EIF4E3: variants seen among roughly 807,000 people sequenced by gnomAD.
EIF4E3 encodes the protein eukaryotic translation initiation factor 4E family member 3.
In EIF4E3, 26 loss-of-function variants were observed where a neutral mutation model predicts 31.7. The observed-to-expected ratio is 0.82, with a 90% CI of 0.60 to 1.14. The LOEUF is 1.14. EIF4E3 is among the 50% of genes most tolerant of loss of function. The probability of loss-of-function intolerance (pLI) is 0.00; values close to 1 mark genes in which losing one functional copy is unlikely to be tolerated. For synonymous variants in EIF4E3, 128 were observed against 107.7 expected, an observed-to-expected ratio of 1.19 and a Z score of -1.17; for missense variants, 304 against 270.9, an observed-to-expected ratio of 1.12 and a Z score of -0.86.
chr3:71,738,672 A>G (rs1008291028), intron 1 of EIF4E3, among the ~76,000 whole-genome samples: 2 of 152,152 alleles, frequency 1.3e-5, no homozygotes, highest in Non-Finnish European at 2.9e-5. Context: ...AAAACTTGAC[A>G]GACCTGAAAG....
Position 71,721,976 on chromosome 3 carries a change from C to T in EIF4E3, c.176+3216G>A, listed in dbSNP as rs74666906. ...GATGAAGGCGAAAGAGCAAGGGGAC[C>T]GATGAGCAGAAAGAAGGGCATGGCA... On this transcript the variant is annotated intron_variant, in intron 1 of 6. Transcript: ENST00000425534. Among the ~76,000 whole-genome samples, 439 of 150,424 alleles carry T rather than the reference C, an allele frequency of 2.9e-3. 5 individuals are homozygous for T. The highest frequency in any genetic ancestry group is 0.01 in the African/African-American group (420 of 40,508).
chr3:71,666,702 T>G, the EIF4E3 span, among the ~76,000 whole-genome samples: 1 of 152,152 alleles, frequency 6.6e-6, no homozygotes, highest in African/African-American at 2.4e-5. Flanking sequence ...TTTGGGAGGC[T>G]GAGGTGGGCG....
intron 3 of EIF4E3, 129 bp downstream of exon 3, chr3:71,699,485 G>T: frequency 1.2e-6 from 1 of 814,564 alleles, no homozygotes; most frequent in Non-Finnish European, 2.0e-6. Context: ...CAGACCCTGG[G>T]CCATGATTGG....
upstream of EIF4E3, chr3:71,753,712 C>G (rs2049963889): frequency 6.7e-6 from 1 of 149,754 alleles, no homozygotes; most frequent in South Asian, 1.8e-4. Context: ...GGGGGCAGAG[C>G]CAAGAGGCGC....
intron 6 of EIF4E3, among the ~76,000 whole-genome samples, chr3:71,685,928 G>A (rs1262719175): frequency 6.6e-6 from 1 of 152,148 alleles, no homozygotes; most frequent in Non-Finnish European, 1.5e-5. Flanking sequence ...TTCTAGGGAG[G>A]CAGATGGGCT....
chr3:71,668,202 T>C, the EIF4E3 span, among the ~76,000 whole-genome samples: 1 of 152,188 alleles, frequency 6.6e-6, no homozygotes, highest in African/African-American at 2.4e-5. Context: ...GCTAGCCATA[T>C]GCAGAAAACT....
intron 1 of EIF4E3, among the ~76,000 whole-genome samples, chr3:71,735,170 A>G (rs73090632): frequency 0.086 from 13,117 of 152,236 alleles, 711 homozygotes; most frequent in Non-Finnish European, 0.12. Context: ...CTAAATGGGG[A>G]GAGATTGGTG....
intron 6 of EIF4E3, 113 bp downstream of exon 6, chr3:71,689,897 T>A: frequency 9.4e-7 from 1 of 1,061,580 alleles, no homozygotes. Context: ...AATTATTTTC[T>A]GAATTATCAA....
intron 6 of EIF4E3, 105 bp from the exon 7 acceptor site, chr3:71,684,833 G>A: frequency 8.6e-7 from 1 of 1,160,988 alleles, no homozygotes; most frequent in Non-Finnish European, 1.2e-6. Context: ...CCCAAATGTT[G>A]GCAAGAACTC....
chr3:71,671,283 A>G (rs1237254323), downstream of EIF4E3, among the ~76,000 whole-genome samples: 2 of 151,876 alleles, frequency 1.3e-5, no homozygotes, highest in Non-Finnish European at 2.9e-5. Flanking sequence ...GCCTTGGCTC[A>G]CCCTCAGAGC....
In EIF4E3 at chr3:71,699,717, G is replaced by T. The variant is rs755924742; in HGVS notation, c.250-9C>A. ...TATACACTCCAAAATATCTTTAAAA[G>T]AAAAACAAACACTTTGTTTAATATA... On this transcript the variant is annotated splice_polypyrimidine_tract_variant and intron_variant, in intron 2 of 6. Transcript: ENST00000425534. The T allele has an allele frequency of 3.1e-6, 5 of 1,606,100 alleles. No individual in the cohort carries two copies. The highest frequency in any genetic ancestry group is 3.4e-6 in the Non-Finnish European group (4 of 1,174,976).
chr3:71,671,633 C>T (rs1390268436), downstream of EIF4E3, among the ~76,000 whole-genome samples: 1 of 152,150 alleles, frequency 6.6e-6, no homozygotes, highest in East Asian at 1.9e-4. Flanking sequence ...TTAACCATCC[C>T]TCGCCTCATT....
chr3:71,700,770 G>C (rs1288931231), intron 2 of EIF4E3, among the ~76,000 whole-genome samples: 1 of 152,168 alleles, frequency 6.6e-6, no homozygotes, highest in Non-Finnish European at 1.5e-5. Context: ...TAAAGGAAGA[G>C]GGAACAGCTC....
chr3:71,725,050 G>A lies in EIF4E3; in HGVS notation c.176+142C>T. 1.6e-6 allele frequency: 1 copy of A among 606,838 alleles called. No homozygotes were observed. The highest frequency in any genetic ancestry group is 2.1e-6 in the Non-Finnish European group (1 of 479,508). The allele number at this position is 606,838 out of a possible 1,614,324, so 37.6% of individuals were successfully genotyped here. On this transcript the variant is annotated intron_variant, in intron 1 of 6. Transcript: ENST00000425534. The surrounding 1 kb of genome is among the most constrained non-coding windows in gnomAD (Gnocchi z 6.1). ...TCCGACCCGGCGGGGCGAGTCCCGG[G>A]GTGCGCAGGCGGACGCGCGGAGGGG...
the EIF4E3 span, among the ~76,000 whole-genome samples, chr3:71,661,857 G>A: frequency 6.6e-6 from 1 of 152,134 alleles, no homozygotes; most frequent in East Asian, 1.9e-4. Flanking sequence ...CATTGAGTAG[G>A]TGCTCAATAA....
At position 71,685,111 on chromosome 3, in the gene EIF4E3, A is replaced by G. The variant is rs1471660400; in HGVS notation, c.629-383T>C. Among the ~76,000 whole-genome samples the G allele has an allele frequency of 2.6e-5, 4 of 152,140 alleles. No individual in the cohort carries two copies. In the South Asian group the frequency reaches 8.3e-4, roughly 31 times the overall value. ...GGAGAGGGGGTGCCTGACACAACCC[A>G]AGACAGAGCCGCTTACAAGCCTATC... On this transcript the variant is annotated intron_variant, in intron 6 of 6. Coordinates refer to ENST00000425534, the MANE Select transcript of EIF4E3 (RefSeq NM_001134651.2).
intron 2 of EIF4E3, among the ~76,000 whole-genome samples, chr3:71,706,930 T>C (rs2049301561): frequency 2.0e-5 from 3 of 152,228 alleles, no homozygotes; most frequent in Non-Finnish European, 4.4e-5. Flanking sequence ...AGTTCTTAAA[T>C]ACTAAGGACA....
chr3:71,671,349 G>T (rs893327213), downstream of EIF4E3, among the ~76,000 whole-genome samples: 1 of 152,090 alleles, frequency 6.6e-6, no homozygotes, highest in African/African-American at 2.4e-5. Context: ...GAGACCAGGG[G>T]CTTGGCTGGC....
chr3:71,698,989 G>A (rs891358163), intron 3 of EIF4E3, among the ~76,000 whole-genome samples: 8 of 152,188 alleles, frequency 5.3e-5, no homozygotes, highest in Admixed American at 5.2e-4. Flanking sequence ...AGAAGGCTGA[G>A]GTGGGCACAT....
Sources: gnomAD v4.1 joint callset for allele counts (sites outside exome capture counted in the v4.1 genomes callset) on GRCh38, gnomAD v4.1.1 for gene constraint, Gnocchi (gnomAD v3.1) non-coding constraint, MANE v1.5 for transcripts, NCBI Gene and HGNC (gene_info 2026-07-23, HGNC 2026-07-21) for gene names.